The following PPP3CC variants were observed in gnomAD, a reference collection of about 807,000 sequenced individuals.
The protein encoded by PPP3CC is serine/threonine-protein phosphatase 2B catalytic subunit gamma isoform.
Under a neutral mutation model 60.3 loss-of-function variants are expected in PPP3CC, and 35 were observed. The observed-to-expected ratio is 0.58, with a 90% CI of 0.44 to 0.77. The LOEUF (loss-of-function observed/expected upper bound fraction) is 0.77, where lower values mean the gene tolerates loss of function less well. PPP3CC is among the 30% of genes least tolerant of loss of function. The pLI is 0.00. For missense variants in PPP3CC, 570 were observed against 628.9 expected (o/e 0.91, Z 1.00); for synonymous variants, 206 against 224.3 (o/e 0.92, Z 0.73).
chr8:22,462,446 A>G (rs1305417409), intron 1 of PPP3CC, among the ~76,000 whole-genome samples: 1 of 152,188 alleles, frequency 6.6e-6, no homozygotes, highest in African/African-American at 2.4e-5. Context: ...AACATTTACC[A>G]TTTAGGGGAG....
rs1444132126 is a variant in PPP3CC, at chr8:22,525,529, TCTTTCTTTCTCTCC to T, written c.944-1860_944-1847del. Among the ~76,000 whole-genome samples the T allele has an allele frequency of 3.1e-5, 3 of 97,584 alleles. No individual in the cohort carries two copies. In the Admixed American group the frequency reaches 3.2e-4, roughly 10 times the overall value. 64.0% of individuals were successfully genotyped at this position (97,584 alleles called of 152,430 possible). On this transcript the variant is annotated intron_variant, in intron 8 of 13. Transcript: ENST00000240139. Reference sequence around the variant, plus strand: ...TTCTTTCTTTCTTTCTTTCTTTCTTTCTTTCTTTCTCTCCCTCTCTCTCTCTCTCTTTCTTTCTC... The same window carrying T: ...TTCTTTCTTTCTTTCTTTCTTTCTTTCTCTCTCTCTCTCTCTTTCTTTCTC...
Position 22,528,517 on chromosome 8 carries a change from C to T in PPP3CC, c.1081C>T (p.Leu361=). ...PFVGEKVTEM[L]VNVLNICSDD... ...TTTGTCTTACTTAGTCACAGAGATG[C>T]TGGTAAATGTGCTCAACATATGCTC... The change falls in exon 10 of 14, where the codon CTG becomes TTG. Residue 361 remains leucine, a synonymous_variant. Transcript: ENST00000240139. 1 of 1,539,194 alleles carries T rather than the reference C, an allele frequency of 6.5e-7. No individual in the cohort carries two copies. Among genetic ancestry groups the T allele is most frequent in the Non-Finnish European group, 8.8e-7 (1 of 1,136,344 alleles).
Position 22,540,974 on chromosome 8 carries a change from A to C in PPP3CC, c.*172A>C, listed in dbSNP as rs1839946908. 1 of 509,284 alleles carries C rather than the reference A, an allele frequency of 2.0e-6. No homozygotes were observed. The highest frequency in any genetic ancestry group is 4.7e-5 in the South Asian group (1 of 21,204). The allele number at this position is 509,284 out of a possible 1,614,324, so 31.5% of individuals were successfully genotyped here. A position where few individuals can be genotyped will look rare whatever the true frequency, so the allele number is the denominator to read the frequency against. Reference sequence around the variant, plus strand: ...GCTGTTTTATAAATTCTTTTAATTTATGTTCAATATATATAAAAAGTGCAT... The same window carrying C: ...GCTGTTTTATAAATTCTTTTAATTTCTGTTCAATATATATAAAAAGTGCAT... On this transcript the variant is annotated 3_prime_UTR_variant, in exon 14 of 14. Transcript: ENST00000240139.
chr8:22,470,912 G>A (rs1013443135), intron 1 of PPP3CC, among the ~76,000 whole-genome samples: 9 of 152,288 alleles, frequency 5.9e-5, no homozygotes, highest in African/African-American at 2.2e-4. Flanking sequence ...AGAGAAAAGA[G>A]TGCTTATGTC....
chr8:22,532,321 C>A lies in PPP3CC; in HGVS notation c.1223+15C>A. The A allele has an allele frequency of 6.3e-7, 1 of 1,591,050 alleles. No individual in the cohort carries two copies. Among genetic ancestry groups the A allele is most frequent in the South Asian group, 1.1e-5 (1 of 90,020 alleles). On this transcript the variant is annotated intron_variant, in intron 11 of 13. Transcript: ENST00000240139. ...TCAATTCTTCGGTAAGGATGTCTGT[C>A]ATTACAGTGCGGATTAAAGGCATTT... is the stretch of plus-strand genomic sequence containing the variant.
intron 1 of PPP3CC, among the ~76,000 whole-genome samples, chr8:22,445,867 A>G (rs950000183): frequency 6.6e-5 from 10 of 152,222 alleles, no homozygotes; most frequent in Non-Finnish European, 1.3e-4. Flanking sequence ...GAAACATTCA[A>G]AATCAGTGCT....
At chr8:22,495,298 C>A (rs979792142) in intron 3 of PPP3CC, among the ~76,000 whole-genome samples, 21 of 152,010 alleles carry the variant, frequency 1.4e-4, no homozygotes, top group Non-Finnish European at 2.8e-4. Context: ...CACTCTAAAT[C>A]AGTTTATAGA....
intron 4 of PPP3CC, among the ~76,000 whole-genome samples, chr8:22,502,658 G>C (rs959643793): frequency 1.3e-5 from 2 of 152,180 alleles, no homozygotes; most frequent in African/African-American, 4.8e-5. Context: ...ACTCCAGCCT[G>C]GGTGACAGAG....
intron 12 of PPP3CC, among the ~76,000 whole-genome samples, chr8:22,537,192 G>C (rs1335823294): frequency 6.6e-6 from 1 of 152,160 alleles, no homozygotes; most frequent in East Asian, 1.9e-4. Flanking sequence ...CTAAGAGATT[G>C]GTATCTAGAA....
chr8:22,525,989 T>G (rs1166301509), intron 8 of PPP3CC, among the ~76,000 whole-genome samples: 1 of 151,736 alleles, frequency 6.6e-6, no homozygotes, highest in Non-Finnish European at 1.5e-5. Context: ...CGCCTCAGCC[T>G]CCCGAGTAGC....
intron 1 of PPP3CC, among the ~76,000 whole-genome samples, chr8:22,460,431 A>AT: frequency 6.6e-6 from 1 of 151,508 alleles, no homozygotes; most frequent in African/African-American, 2.4e-5. Context: ...TCCTCAAGTG[A>AT]TTTTCCCATC....
At chr8:22,527,248 C>T in intron 8 of PPP3CC, 144 bp from the exon 9 acceptor site, 1 of 844,752 alleles carries the variant, frequency 1.2e-6, no homozygotes, top group Non-Finnish European at 1.8e-6. Flanking sequence ...TAAAATTTTC[C>T]ATCTGCCCTT....
At chr8:22,523,902 G>C (rs977775239) in intron 8 of PPP3CC, among the ~76,000 whole-genome samples, 8 of 152,162 alleles carry the variant, frequency 5.3e-5, no homozygotes, top group Admixed American at 5.2e-4. Flanking sequence ...TTGAGTAATG[G>C]CAGCATCTCT....
intron 1 of PPP3CC, among the ~76,000 whole-genome samples, chr8:22,454,188 A>G (rs908168928): frequency 3.9e-5 from 6 of 152,218 alleles, no homozygotes; most frequent in African/African-American, 9.6e-5. Context: ...CCTTATTCTT[A>G]TAAGCTTTTA....
chr8:22,490,948 T>C (rs926014850), intron 3 of PPP3CC, among the ~76,000 whole-genome samples: 5 of 152,220 alleles, frequency 3.3e-5, no homozygotes, highest in Non-Finnish European at 7.3e-5. Flanking sequence ...GCATGACTTA[T>C]AATCCTTTGG....
Position 22,475,513 on chromosome 8 carries a change from T to G in PPP3CC, c.261T>G (p.Ile87Met). The G allele has an allele frequency of 1.2e-6, 2 of 1,610,068 alleles. No individual in the cohort carries two copies. Among genetic ancestry groups the G allele is most frequent in the Non-Finnish European group, 1.7e-6 (2 of 1,177,742 alleles). Residue 87 changes from isoleucine (I) to methionine (M), a missense_variant, in exon 3 of 14, where the codon ATT (isoleucine) becomes ATG (methionine). Coordinates refer to ENST00000240139, the MANE Select transcript of PPP3CC (RefSeq NM_005605.5). Reference protein sequence around the residue: ...VDAPITVCGDIHGQFFDLMKL... With the variant: ...VDAPITVCGDMHGQFFDLMKL... ...TTTTTTTCCTAGTATGTGGTGATATTCATGGACAATTCTTTGACCTAATGA... is the reference window on the plus strand; with the variant it reads ...TTTTTTTCCTAGTATGTGGTGATATGCATGGACAATTCTTTGACCTAATGA...
At chr8:22,534,520 C>G (rs189476932) in intron 12 of PPP3CC, among the ~76,000 whole-genome samples, 2 of 152,120 alleles carry the variant, frequency 1.3e-5, no homozygotes, top group Non-Finnish European at 2.9e-5. Context: ...TTGATTCAAG[C>G]GCTTTAGAAA....
chr8:22,538,649 A>G lies in PPP3CC; in HGVS notation c.1322-820A>G, dbSNP rs562608504. ...CTTGTGGCACCCTGTACCTTTTCAT[A>G]TATTAGCGTTTTTACTGTCTGAGAA... is the stretch of plus-strand genomic sequence containing the variant. On this transcript the variant is annotated intron_variant, in intron 12 of 13. Coordinates refer to ENST00000240139, the MANE Select transcript of PPP3CC (RefSeq NM_005605.5). Among the ~76,000 whole-genome samples, 5 of 152,252 alleles carry G rather than the reference A, an allele frequency of 3.3e-5. No homozygotes were observed. The South Asian group carries it at 6.2e-4, about 19-fold the overall frequency.
rs773438529 is a variant in PPP3CC, at chr8:22,532,287, C to T, written c.1204C>T (p.Arg402Trp). 24 of 1,612,348 alleles carry T rather than the reference C, an allele frequency of 1.5e-5. No homozygotes were observed. The highest frequency in any genetic ancestry group is 6.7e-5 in the African/African-American group (5 of 74,852). Residue 402 changes from arginine to tryptophan, a missense_variant, in exon 11 of 14, where the codon CGG becomes TGG. Transcript: ENST00000240139. ...GATCAGAGCCATTGGGAAGATGGCA[C>T]GGGTCTTTTCAATTCTTCGGTAAGG... is the stretch of plus-strand genomic sequence containing the variant. Reference protein sequence around the residue: ...NKIRAIGKMARVFSILRQESE... With the variant: ...NKIRAIGKMAWVFSILRQESE...
Sources: gnomAD v4.1 joint callset for allele counts (sites outside exome capture counted in the v4.1 genomes callset) on GRCh38, gnomAD v4.1.1 for gene constraint, MANE v1.5 for transcripts, NCBI Gene and HGNC (gene_info 2026-07-23, HGNC 2026-07-21) for gene names.